Variants in FSD1L observed in about 807,000 individuals in gnomAD.
The protein encoded by FSD1L is fibronectin type III and SPRY domain containing 1 like.
FSD1L carries 45 observed loss-of-function variants against 71.6 expected under a neutral mutation model. The ratio of observed to expected loss-of-function variants is 0.63; its 90% confidence interval spans 0.49 to 0.81. The LOEUF (loss-of-function observed/expected upper bound fraction) is 0.81. Ranked by LOEUF, FSD1L falls within the 30% of genes least tolerant of loss-of-function variation. The pLI is 0.00. For synonymous variants in FSD1L, 197 were observed against 207.2 expected (o/e 0.95, Z 0.42); for missense variants, 561 against 618.1 (o/e 0.91, Z 0.98).
chr9:105,521,173 G>A (rs1307743564), intron 10 of FSD1L: 7 of 1,614,082 alleles, frequency 4.3e-6, no homozygotes, highest in Admixed American at 1.7e-5. Flanking sequence ...ATTGTCATTC[G>A]TTGGCTGGTT....
intron 1 of FSD1L, among the ~76,000 whole-genome samples, chr9:105,448,636 CCTGCTG>C (rs1829784195): frequency 6.6e-6 from 1 of 152,212 alleles, no homozygotes; most frequent in Non-Finnish European, 1.5e-5. Flanking sequence ...TTGGTGTCTC[CCTGCTG>C]ACGCCGAAAG....
chr9:105,544,935 T>C (rs1171027138), intron 13 of FSD1L, among the ~76,000 whole-genome samples: 1 of 152,324 alleles, frequency 6.6e-6, no homozygotes, highest in East Asian at 1.9e-4. Context: ...CATATTAACT[T>C]TAAAGTAGTT....
chr9:105,470,262 T>C (rs139570123), intron 4 of FSD1L, among the ~76,000 whole-genome samples: 5 of 152,306 alleles, frequency 3.3e-5, no homozygotes, highest in Admixed American at 6.5e-5. Flanking sequence ...ACATGAATTT[T>C]ATATATATTT....
the FSD1L span, among the ~76,000 whole-genome samples, chr9:105,442,376 G>A: frequency 1.3e-5 from 2 of 152,052 alleles, no homozygotes; most frequent in Non-Finnish European, 2.9e-5. Context: ...CACAGTTCAG[G>A]AAGATGTTAA....
intron 10 of FSD1L, chr9:105,520,242 G>A (rs1367468764): frequency 1.2e-6 from 2 of 1,608,170 alleles, no homozygotes; most frequent in African/African-American, 1.3e-5. Context: ...CGAGTTAATG[G>A]TGGAACTGGC....
At chr9:105,530,044 G>T (rs1196802518) in intron 10 of FSD1L, among the ~76,000 whole-genome samples, 1 of 152,220 alleles carries the variant, frequency 6.6e-6, no homozygotes, top group Non-Finnish European at 1.5e-5. Flanking sequence ...GAGTTAGAAG[G>T]CTAGAAAGGC....
intron 9 of FSD1L, among the ~76,000 whole-genome samples, chr9:105,510,792 A>G (rs908684394): frequency 6.6e-6 from 1 of 152,146 alleles, no homozygotes; most frequent in African/African-American, 2.4e-5. Flanking sequence ...TTATTCTCCA[A>G]CTTTAATTGA....
At position 105,461,573 on chromosome 9, in the gene FSD1L, C is replaced by G; in HGVS notation, c.69C>G (p.Ile23Met). ...CAGTTGATAAAGCCTGTTTTCTGATCTCTAACATCACTATTGGACCAGAGT... is the reference window on the plus strand; with the variant it reads ...CAGTTGATAAAGCCTGTTTTCTGATGTCTAACATCACTATTGGACCAGAGT... ...NVTVDKACFL[I>M]SNITIGPESI... Residue 23 changes from isoleucine (I) to methionine (M), a missense_variant, in exon 2 of 14, where the codon ATC (isoleucine) becomes ATG (methionine). Around this residue, in one of 3 missense-constraint regions of FSD1L, gnomAD observed 410 missense variants for 413.5 expected, o/e 0.99. Transcript: ENST00000481272. The G allele has an allele frequency of 6.4e-7, 1 of 1,551,708 alleles. No individual in the cohort carries two copies. The highest frequency in any genetic ancestry group is 8.7e-7 in the Non-Finnish European group (1 of 1,146,722).
intron 3 of FSD1L, among the ~76,000 whole-genome samples, chr9:105,465,430 A>G (rs1177281085): frequency 1.3e-5 from 2 of 152,234 alleles, no homozygotes; most frequent in East Asian, 3.8e-4. Context: ...TCCCAATAAT[A>G]AAGCCAAACC....
chr9:105,442,370 G>A, the FSD1L span, among the ~76,000 whole-genome samples: 1 of 152,114 alleles, frequency 6.6e-6, no homozygotes, highest in Non-Finnish European at 1.5e-5. Context: ...TAACCTCACA[G>A]TTCAGGAAGA....
At chr9:105,513,278 T>G (rs1273214790) in intron 10 of FSD1L, among the ~76,000 whole-genome samples, 1 of 152,200 alleles carries the variant, frequency 6.6e-6, no homozygotes, top group African/African-American at 2.4e-5. Context: ...CCTGCAGGTC[T>G]GGTCTGCACT....
intron 12 of FSD1L, among the ~76,000 whole-genome samples, chr9:105,538,300 A>G (rs1180415966): frequency 3.9e-5 from 6 of 152,248 alleles, no homozygotes; most frequent in Admixed American, 2.0e-4. Context: ...GGTACTTTAC[A>G]TACATTACCT....
chr9:105,525,989 C>T, intron 10 of FSD1L: 2 of 1,564,192 alleles, frequency 1.3e-6, no homozygotes, highest in South Asian at 1.1e-5. Context: ...TCAGAGCATA[C>T]TAGAGACTAC....
At chr9:105,444,097 A>G (rs1369738646), upstream of FSD1L, among the ~76,000 whole-genome samples, 1 of 152,172 alleles carries the variant, frequency 6.6e-6, no homozygotes, top group Non-Finnish European at 1.5e-5. Flanking sequence ...CAGGTATAAC[A>G]GGGAAAGGGG....
At chr9:105,445,052 T>C (rs1250108194), upstream of FSD1L, among the ~76,000 whole-genome samples, 1 of 152,228 alleles carries the variant, frequency 6.6e-6, no homozygotes, top group Non-Finnish European at 1.5e-5. Context: ...CTAAATGGAT[T>C]TGGCTGTGAA....
chr9:105,458,417 G>T (rs1019416789), intron 1 of FSD1L, among the ~76,000 whole-genome samples: 1 of 152,162 alleles, frequency 6.6e-6, no homozygotes, highest in Non-Finnish European at 1.5e-5. Flanking sequence ...CTTGTCCTGC[G>T]TCCAGGAAGA....
At chr9:105,515,789 T>TTG (rs1358308210) in intron 10 of FSD1L, among the ~76,000 whole-genome samples, 1 of 101,292 alleles carries the variant, frequency 9.9e-6, no homozygotes, top group African/African-American at 4.3e-5. Context: ...CTGCAGAAGG[T>TTG]TTTTTTTTTT....
chr9:105,476,383 C>T (rs1831805124), intron 5 of FSD1L, among the ~76,000 whole-genome samples: 1 of 152,052 alleles, frequency 6.6e-6, no homozygotes, highest in Non-Finnish European at 1.5e-5. Context: ...GAAGTGTCAC[C>T]TGAGACCAAA....
intron 1 of FSD1L, among the ~76,000 whole-genome samples, chr9:105,453,052 T>TC: frequency 6.7e-6 from 1 of 149,508 alleles, no homozygotes; most frequent in African/African-American, 2.5e-5. Flanking sequence ...TTGTTTTTTT[T>TC]TTTTTTTTTT....
Sources: gnomAD v4.1 joint callset for allele counts (sites outside exome capture counted in the v4.1 genomes callset) on GRCh38, gnomAD v4.1.1 for gene constraint, gnomAD v4.1.1 regional missense constraint, MANE v1.5 for transcripts, NCBI Gene and HGNC (gene_info 2026-07-23, HGNC 2026-07-21) for gene names.